The following FAM210A variants were observed in gnomAD, a reference collection of about 807,000 sequenced individuals.
The protein encoded by FAM210A is family with sequence similarity 210 member A.
Under a neutral mutation model 25.3 loss-of-function variants are expected in FAM210A, and 13 were observed. The observed-to-expected ratio is 0.51, with a 90% CI of 0.33 to 0.82. The LOEUF is 0.82. Among genes scored for constraint, FAM210A ranks in the 40% least tolerant of loss-of-function variants. The pLI is 0.02. For synonymous variants in FAM210A, 125 were observed against 118.7 expected (o/e 1.05, Z -0.35); for missense variants, 319 against 323.2 (o/e 0.99, Z 0.10).
intron 1 of FAM210A, among the ~76,000 whole-genome samples, chr18:13,720,927 TG>T (rs1277613778): frequency 6.6e-6 from 1 of 152,184 alleles, no homozygotes; most frequent in Non-Finnish European, 1.5e-5. Context: ...CAGTTTCATA[TG>T]GCATTCTCCC....
rs1049672748 is a variant in FAM210A at position 13,682,048 on chromosome 18, A to G, written c.30T>C (p.Ser10=). The change falls in exon 2 of 4, where the codon TCT becomes TCC. Residue 10 remains serine (S), a synonymous_variant. Coordinates refer to ENST00000651643, the MANE Select transcript of FAM210A (RefSeq NM_152352.4). MQWNVPRTV[S]RLARRTCLEP... The stretch of plus-strand genomic sequence containing the variant: ...CCAAGCATGTCCTGCGTGCCAGTCG[A>G]GATACAGTCCGTGGTACATTCCATT... 6.2e-7 allele frequency: 1 copy of G among 1,609,366 alleles called. No homozygotes were observed.
At chr18:13,681,550 A>C in intron 2 of FAM210A, 55 bp downstream of exon 2, 1 of 1,373,842 alleles carries the variant, frequency 7.3e-7, no homozygotes, top group Non-Finnish European at 9.9e-7. Flanking sequence ...GTACAATTAA[A>C]AAGATTAATA....
chr18:13,669,100 C>T (rs528428545), intron 3 of FAM210A, among the ~76,000 whole-genome samples: 1 of 152,258 alleles, frequency 6.6e-6, no homozygotes, highest in East Asian at 1.9e-4. Context: ...TCAGAAAACC[C>T]CAGCAACCAC....
chr18:13,689,569 C>A (rs996314556), intron 1 of FAM210A, among the ~76,000 whole-genome samples: 1 of 152,130 alleles, frequency 6.6e-6, no homozygotes, highest in Non-Finnish European at 1.5e-5. Context: ...GGAGGCTGGA[C>A]GCTCGCCCCC....
At chr18:13,695,768 G>C (rs975058263) in intron 1 of FAM210A, among the ~76,000 whole-genome samples, 2 of 151,718 alleles carry the variant, frequency 1.3e-5, no homozygotes, top group Admixed American at 1.3e-4. Context: ...TGTAAATGAC[G>C]AGTTAATGGG....
At chr18:13,709,390 T>C (rs566433592) in intron 1 of FAM210A, among the ~76,000 whole-genome samples, 23 of 152,334 alleles carry the variant, frequency 1.5e-4, no homozygotes, top group Non-Finnish European at 2.1e-4. Flanking sequence ...AAAAGGTGCC[T>C]GCTTTAAGAC....
At chr18:13,692,546 C>G (rs1462634497) in intron 1 of FAM210A, among the ~76,000 whole-genome samples, 1 of 151,606 alleles carries the variant, frequency 6.6e-6, no homozygotes, top group African/African-American at 2.4e-5. Flanking sequence ...GAAATTATAA[C>G]AAACTGTCTC....
intron 3 of FAM210A, among the ~76,000 whole-genome samples, chr18:13,671,383 T>C (rs1194620688): frequency 6.6e-6 from 1 of 152,160 alleles, no homozygotes. Context: ...AATATAATTA[T>C]ACTTAAAATA....
At chr18:13,677,051 A>G (rs530959772) in intron 2 of FAM210A, among the ~76,000 whole-genome samples, 3 of 149,746 alleles carry the variant, frequency 2.0e-5, no homozygotes, top group African/African-American at 7.4e-5. Flanking sequence ...TCCCTGAGTG[A>G]GCAATTCCTG....
rs1308882996 is a variant in FAM210A, at chr18:13,681,704, C to T, written c.374G>A (p.Arg125Gln). Residue 125 changes from arginine to glutamine, a missense_variant, in exon 2 of 4, where the codon CGA (arginine) becomes CAA (glutamine). By Grantham distance (43) the Arg-to-Gln change is conservative. Coordinates refer to ENST00000651643, the MANE Select transcript of FAM210A (RefSeq NM_152352.4). ...LQDKSISLYQ[R>Q]FKKTFRQYGK... is the part of the protein sequence containing the mutation. ...ATACTGTCTAAATGTCTTCTTGAAT[C>T]GTTGATAAAGACTAATAGATTTGTC... is the stretch of plus-strand genomic sequence containing the variant. 7 of 1,614,162 alleles carry T rather than the reference C, an allele frequency of 4.3e-6. No homozygotes were observed. Among genetic ancestry groups the T allele is most frequent in the African/African-American group, 1.3e-5 (1 of 75,020 alleles).
rs1313956682 is a variant in FAM210A at position 13,671,966 on chromosome 18, T to C, written c.481A>G (p.Asn161Asp). The C allele has an allele frequency of 6.2e-7, 1 of 1,603,900 alleles. No individual in the cohort carries two copies. The highest frequency in any genetic ancestry group is 1.7e-5 in the Admixed American group (1 of 58,990). The stretch of plus-strand genomic sequence containing the variant: ...ATGAGTTCTAGAAAAGGAACGACAT[T>C]CACTCCTCTACAAAAAAAAAAAAGT... ...TFYYAALKGV[N>D]VVPFLELIGL... The change falls in exon 3 of 4, where the codon AAT becomes GAT. Residue 161 changes from asparagine to aspartate, a missense_variant. Asn to Asp is a conservative substitution (Grantham distance 23). Transcript: ENST00000651643.
chr18:13,705,023 A>C (rs1391469310), intron 1 of FAM210A, among the ~76,000 whole-genome samples: 2 of 152,226 alleles, frequency 1.3e-5, no homozygotes, highest in African/African-American at 2.4e-5. Flanking sequence ...GTTTCTAATA[A>C]CCTTAGAATC....
chr18:13,672,364 T>A (rs746984016), intron 2 of FAM210A, among the ~76,000 whole-genome samples: 6 of 152,208 alleles, frequency 3.9e-5, no homozygotes, highest in Non-Finnish European at 7.4e-5. Context: ...CCAACTCACA[T>A]TTTAAGACCT....
At chr18:13,723,066 C>T (rs896966144) in intron 1 of FAM210A, among the ~76,000 whole-genome samples, 2 of 152,126 alleles carry the variant, frequency 1.3e-5, no homozygotes, top group African/African-American at 4.8e-5. Context: ...TTAAAATGTT[C>T]TAAGGTATCA....
At chr18:13,695,775 T>C (rs908401540) in intron 1 of FAM210A, among the ~76,000 whole-genome samples, 1 of 151,896 alleles carries the variant, frequency 6.6e-6, no homozygotes, top group African/African-American at 2.4e-5. Flanking sequence ...GACGAGTTAA[T>C]GGGTGCAGCA....
chr18:13,666,591 C>T lies in FAM210A; in HGVS notation c.708G>A (p.Met236Ile), dbSNP rs778595283. Residue 236 changes from methionine to isoleucine, a missense_variant, in exon 4 of 4, where the codon ATG (methionine) becomes ATA (isoleucine). Physicochemically the swap from Met to Ile is conservative, Grantham distance 10. Coordinates refer to ENST00000651643, the MANE Select transcript of FAM210A (RefSeq NM_152352.4). ...CTGTGATAAGCTCCTTTGTCTCTTCCATCCTGTCCTGCAGATACTCCTTGA... is the reference window on the plus strand; with the variant it reads ...CTGTGATAAGCTCCTTTGTCTCTTCTATCCTGTCCTGCAGATACTCCTTGA... ...PPVKEYLQDR[M>I]EETKELITEK... 6.2e-7 allele frequency: 1 copy of T among 1,614,012 alleles called. No individual in the cohort carries two copies. The highest frequency in any genetic ancestry group is 1.3e-5 in the African/African-American group (1 of 74,876).
chr18:13,694,187 C>T (rs934584666), intron 1 of FAM210A, among the ~76,000 whole-genome samples: 1 of 152,178 alleles, frequency 6.6e-6, no homozygotes, highest in South Asian at 2.1e-4. Context: ...AGGACCTCTT[C>T]AAGGAGAACT....
intron 1 of FAM210A, among the ~76,000 whole-genome samples, chr18:13,721,276 C>T (rs1027322233): frequency 1.1e-4 from 17 of 152,114 alleles, no homozygotes; most frequent in Non-Finnish European, 2.5e-4. Flanking sequence ...GATACTAAGA[C>T]AAAGCACTCA....
intron 1 of FAM210A, among the ~76,000 whole-genome samples, chr18:13,704,994 A>C (rs779726926): frequency 1.3e-5 from 2 of 152,204 alleles, no homozygotes; most frequent in Non-Finnish European, 2.9e-5. Context: ...AGGACCCTAA[A>C]AAGCACTCTT....
Sources: gnomAD v4.1 joint callset for allele counts (sites outside exome capture counted in the v4.1 genomes callset) on GRCh38, gnomAD v4.1.1 for gene constraint, MANE v1.5 for transcripts, NCBI Gene and HGNC (gene_info 2026-07-23, HGNC 2026-07-21) for gene names.